The following RGS3 variants were observed in gnomAD, a reference collection of about 807,000 sequenced individuals.
RGS3 encodes regulator of G-protein signalling 3.
Under a neutral mutation model 132.6 loss-of-function variants are expected in RGS3, and 80 were observed. The observed-to-expected ratio is 0.60, with a 90% CI of 0.50 to 0.73. The LOEUF is 0.73. RGS3 is among the 30% of genes least tolerant of loss of function. The pLI, the probability that RGS3 is intolerant of heterozygous loss-of-function variation, is 0.00. For synonymous variants in RGS3, 598 were observed against 620.6 expected (o/e 0.96, Z 0.54); for missense variants, 1,382 against 1,530.8 (o/e 0.90, Z 1.62).
At chr9:113,495,451 C>T (rs1369647224) in intron 7 of RGS3, among the ~76,000 whole-genome samples, 1 of 152,170 alleles carries the variant, frequency 6.6e-6, no homozygotes, top group Admixed American at 6.5e-5. Context: ...AGGAGGTTCC[C>T]TGTGGGGACC....
rs957704762 is a variant in RGS3 at position 113,476,739 on chromosome 9, G to C, written c.416-2752G>C. Among the ~76,000 whole-genome samples the C allele has an allele frequency of 1.4e-4, 21 of 152,346 alleles. No homozygotes were observed. In the East Asian group the frequency reaches 3.9e-3, roughly 28 times the overall value. On this transcript the variant is annotated intron_variant, in intron 3 of 24. Transcript: ENST00000350696. ...TGGGCTGTGAGCCCTGTGAGGGCAGGCACCTGCCCAGCCTCGTGCAGATGC... is the reference window on the plus strand; with the variant it reads ...TGGGCTGTGAGCCCTGTGAGGGCAGCCACCTGCCCAGCCTCGTGCAGATGC...
chr9:113,553,195 AC>A (rs2118757287), intron 19 of RGS3, among the ~76,000 whole-genome samples: 1 of 151,812 alleles, frequency 6.6e-6, no homozygotes, highest in South Asian at 2.1e-4. Context: ...TAATCACAGC[AC>A]TTTGGGAGGC....
intron 8 of RGS3, among the ~76,000 whole-genome samples, chr9:113,496,847 G>C: frequency 6.6e-6 from 1 of 152,212 alleles, no homozygotes; most frequent in South Asian, 2.1e-4. Context: ...CACCGCGCCC[G>C]GTCTAGAGCT....
chr9:113,505,519 T>C (rs148425098), exon 11 of RGS3: 1 of 1,613,892 alleles, frequency 6.2e-7, no homozygotes, highest in African/African-American at 1.3e-5. Flanking sequence ...AGGCCGTGGA[T>C]TCCGGTAAGT....
At chr9:113,580,770 C>T (rs974404691) in intron 19 of RGS3, 4 of 983,126 alleles carry the variant, frequency 4.1e-6, no homozygotes, top group African/African-American at 3.5e-5. Context: ...ACAGGGTTGG[C>T]AGAGGCAGGC....
intron 10 of RGS3, 112 bp from the exon 9 acceptor site, chr9:113,505,330 C>A: frequency 1.1e-6 from 1 of 870,852 alleles, no homozygotes; most frequent in Non-Finnish European, 1.9e-6. Context: ...GCCTCCAGTT[C>A]CCTTGGAGAG....
rs1834688937 is a variant in RGS3 at position 113,579,520 on chromosome 9, C to T, written c.2038-3930C>T. ...GGATGGGAAAGACACAGACCCCCAC[C>T]TTGGGAGGGTGGGGCAGTGGCTTCC... On this transcript the variant is annotated intron_variant, in intron 19 of 24. Coordinates refer to ENST00000350696, the Ensembl canonical transcript of RGS3. This position sits in a 1 kb window ranked among gnomAD's most constrained non-coding sequence, Gnocchi z 4.3. Among the ~76,000 whole-genome samples, 1 of 152,166 alleles carries T rather than the reference C, an allele frequency of 6.6e-6. No homozygotes were observed. Among genetic ancestry groups the T allele is most frequent in the Admixed American group, 6.5e-5 (1 of 15,292 alleles).
chr9:113,505,828 G>A (rs778006296), intron 11 of RGS3, among the ~76,000 whole-genome samples: 13 of 152,132 alleles, frequency 8.5e-5, no homozygotes, highest in Non-Finnish European at 1.8e-4. Flanking sequence ...AGAGTCATTT[G>A]TGAACTCTAT....
At chr9:113,462,296 G>C (rs1408152898) in intron 3 of RGS3, 1 of 734,498 alleles carries the variant, frequency 1.4e-6, no homozygotes, top group Admixed American at 3.1e-5. Flanking sequence ...GGGGTTGGAG[G>C]GGGAGAGTGG....
exon 25 of RGS3, chr9:113,596,957 C>A (rs766765290): frequency 6.3e-7 from 1 of 1,594,068 alleles, no homozygotes; most frequent in Non-Finnish European, 8.6e-7. Context: ...GCTTTAGGGG[C>A]CACTGGAGTC....
At chr9:113,533,330 A>G (rs1358768599) in intron 18 of RGS3, among the ~76,000 whole-genome samples, 2 of 151,558 alleles carry the variant, frequency 1.3e-5, no homozygotes, top group East Asian at 3.9e-4. Context: ...TCCTGGGTTC[A>G]AGCGATTCTC....
upstream of RGS3, chr9:113,460,220 C>G (rs2119156409): frequency 8.1e-7 from 1 of 1,228,118 alleles, no homozygotes. Flanking sequence ...AACCTTATTT[C>G]CTTTTAAAAT....
At chr9:113,563,282 G>A (rs1833866286) in intron 19 of RGS3, among the ~76,000 whole-genome samples, 1 of 152,188 alleles carries the variant, frequency 6.6e-6, no homozygotes, top group South Asian at 2.1e-4. Context: ...TGGACTGTCA[G>A]CTTTGTGAAT....
chr9:113,508,532 C>T lies in RGS3; in HGVS notation c.1438-9C>T, dbSNP rs563074129. The T allele has an allele frequency of 1.9e-6, 3 of 1,612,568 alleles. No individual in the cohort carries two copies. The South Asian group carries it at 3.3e-5, about 18-fold the overall frequency. ...GGGCTGAGGTGGTTTTCCTGTCTTT[C>T]CCTTGCAGCTGCTCCGGCCTGTGTA... On this transcript the variant is annotated splice_polypyrimidine_tract_variant and intron_variant, in intron 13 of 24. Coordinates refer to ENST00000350696, the Ensembl canonical transcript of RGS3.
intron 19 of RGS3, chr9:113,541,347 C>G (rs1588224190): frequency 6.2e-7 from 1 of 1,613,818 alleles, no homozygotes; most frequent in East Asian, 2.2e-5. Flanking sequence ...CTCTCTCCAG[C>G]AGGAGATGGG....
Position 113,507,543 on chromosome 9 carries a change from C to A in RGS3, c.1342C>A (p.Arg448Ser). The A allele has an allele frequency of 6.3e-7, 1 of 1,595,178 alleles. No individual in the cohort carries two copies. The highest frequency in any genetic ancestry group is 1.7e-5 in the Admixed American group (1 of 58,426). Residue 448 changes from arginine to serine, a missense_variant, in exon 13 of 25, where the codon CGC becomes AGC. By Grantham distance (110) the Arg-to-Ser change is moderately radical. Transcript: ENST00000350696. This position sits in a 1 kb window ranked among gnomAD's most constrained non-coding sequence, Gnocchi z 5.0. ...GGAGCGCTACACCGAGGTGGCCAAGCGCGGGGGCCAGCACACCCTGCCTGC... is the reference window on the plus strand; with the variant it reads ...GGAGCGCTACACCGAGGTGGCCAAGAGCGGGGGCCAGCACACCCTGCCTGC...
At chr9:113,582,213 T>C in intron 19 of RGS3, 1 of 985,442 alleles carries the variant, frequency 1.0e-6, no homozygotes, top group African/African-American at 1.7e-5. Context: ...AGCATGGCTT[T>C]TGGCTGTCAG....
At chr9:113,459,786 C>G (rs893940044), upstream of RGS3, among the ~76,000 whole-genome samples, 1 of 152,034 alleles carries the variant, frequency 6.6e-6, no homozygotes, top group Non-Finnish European at 1.5e-5. Flanking sequence ...CACCTGTAGT[C>G]CCAGCACTTT....
rs918267543 is a variant in RGS3 at position 113,508,629 on chromosome 9, G to A, written c.1477+49G>A. ...CCCTCCTAGCTCAGAGAGGCAGCAGGGGTCAGCTGAGGCCTGGCCCAGCCT... is the reference window on the plus strand; with the variant it reads ...CCCTCCTAGCTCAGAGAGGCAGCAGAGGTCAGCTGAGGCCTGGCCCAGCCT... On this transcript the variant is annotated intron_variant, in intron 14 of 24. Transcript: ENST00000350696. 13 of 1,600,734 alleles carry A rather than the reference G, an allele frequency of 8.1e-6. No individual in the cohort carries two copies. In the Admixed American group the frequency reaches 1.8e-4, roughly 23 times the overall value.
Sources: gnomAD v4.1 joint callset for allele counts (sites outside exome capture counted in the v4.1 genomes callset) on GRCh38, gnomAD v4.1.1 for gene constraint, Gnocchi (gnomAD v3.1) non-coding constraint, MANE v1.5 for transcripts, NCBI Gene and HGNC (gene_info 2026-07-23, HGNC 2026-07-21) for gene names.